COL23A1: variants seen among roughly 807,000 people sequenced by gnomAD.
COL23A1 encodes the protein collagen alpha-1(XXIII) chain.
Under a neutral mutation model 99.3 loss-of-function variants are expected in COL23A1, and 97 were observed. That is an observed-to-expected ratio of 0.98 (90% CI 0.83 to 1.16). The LOEUF (loss-of-function observed/expected upper bound fraction) is 1.16. Ranked by LOEUF, COL23A1 falls within the 50% of genes most tolerant of loss-of-function variation. COL23A1 has a pLI of 0.00. For synonymous variants in COL23A1, 320 were observed against 308.2 expected (o/e 1.04, Z -0.40); for missense variants, 762 against 757.4 (o/e 1.01, Z -0.07).
intron 1 of COL23A1, among the ~76,000 whole-genome samples, chr5:178,566,132 A>T (rs1285459549): frequency 6.6e-6 from 1 of 152,064 alleles, no homozygotes; most frequent in Non-Finnish European, 1.5e-5. Flanking sequence ...CATCCCAAAA[A>T]ATAAATTAAA....
intron 2 of COL23A1, among the ~76,000 whole-genome samples, chr5:178,394,749 G>A (rs1455775022): frequency 6.6e-6 from 1 of 151,344 alleles, no homozygotes. Flanking sequence ...TGCCTCCCCA[G>A]GGTCACAAGT....
rs563255101 is a variant in COL23A1, at chr5:178,256,870, G to C, written c.833C>G (p.Pro278Arg). 1 of 1,612,864 alleles carries C rather than the reference G, an allele frequency of 6.2e-7. No individual in the cohort carries two copies. Among genetic ancestry groups the C allele is most frequent in the African/African-American group, 1.3e-5 (1 of 75,038 alleles). ...AGCAGAGAGCTCTCATGTCACCTTC[G>C]GTCCTGGGGCACCGTCCACACCGTT... ...GENGVDGAPG[P>R]KGEPGHRGTD... The change falls in exon 14 of 29, where the codon CCG becomes CGG. Residue 278 changes from proline to arginine, a missense_variant. Coordinates refer to ENST00000390654, the MANE Select transcript of COL23A1 (RefSeq NM_173465.4).
intron 2 of COL23A1, among the ~76,000 whole-genome samples, chr5:178,360,425 C>T (rs999094070): frequency 1.3e-5 from 2 of 152,238 alleles, no homozygotes; most frequent in African/African-American, 4.8e-5. Context: ...CAGGGAGAAG[C>T]TGCCATGGGA....
At chr5:178,320,072 C>A (rs1759206586) in intron 2 of COL23A1, among the ~76,000 whole-genome samples, 1 of 151,820 alleles carries the variant, frequency 6.6e-6, no homozygotes, top group African/African-American at 2.4e-5. Flanking sequence ...TGACCACCAG[C>A]CTCAATTTTC....
intron 5 of COL23A1, among the ~76,000 whole-genome samples, chr5:178,276,257 C>T (rs6872036): frequency 6.9e-6 from 1 of 144,964 alleles, no homozygotes. Flanking sequence ...CCAGCATCTG[C>T]TGAACTGAAC....
In COL23A1 at chr5:178,247,801, CA is replaced by C. The variant is rs1204443407; in HGVS notation, c.1242del (p.Gly415AlafsTer65). 1 of 1,613,574 alleles carries C rather than the reference CA, an allele frequency of 6.2e-7. No individual in the cohort carries two copies. Among genetic ancestry groups the C allele is most frequent in the Non-Finnish European group, 8.5e-7 (1 of 1,179,804 alleles). On this transcript the variant is annotated frameshift_variant, in exon 21 of 29. Coordinates refer to ENST00000390654, the MANE Select transcript of COL23A1 (RefSeq NM_173465.4). LOFTEE classifies it high-confidence loss of function. ...ATCGGGCCTGGGGGGCCAGGGGGGC[CA>C]GGGGGCCCTGGCTCCACTATGAGCT... The part of the protein sequence containing the change: ...LAQLIVEPGP[P>X]GPPGPPGPMG...
Position 178,309,331 on chromosome 5 carries a change from G to T in COL23A1, c.362-2412C>A, listed in dbSNP as rs1581127370. Reference sequence around the variant, plus strand: ...TGCCTGCCTCCCAGGGTCACTGGGCGATGCCCCCTGCAGGCCTGGAGCTGG... The same window carrying T: ...TGCCTGCCTCCCAGGGTCACTGGGCTATGCCCCCTGCAGGCCTGGAGCTGG... On this transcript the variant is annotated intron_variant, in intron 2 of 28. Transcript: ENST00000390654. The surrounding 1 kb of genome is among the most constrained non-coding windows in gnomAD (Gnocchi z 4.7). Among the ~76,000 whole-genome samples, 1 of 152,166 alleles carries T rather than the reference G, an allele frequency of 6.6e-6. No homozygotes were observed. Among genetic ancestry groups the T allele is most frequent in the Non-Finnish European group, 1.5e-5 (1 of 68,012 alleles).
rs746295532 is a variant in COL23A1, at chr5:178,249,683, A to AACACAC, written c.1059+372_1059+377dup. ...GAATATGCTTACGTCTGTATAGGATAACACACACACACACACACACACACA... is the reference window on the plus strand; with the variant it reads ...GAATATGCTTACGTCTGTATAGGATAACACACACACACACACACACACACACACACA... On this transcript the variant is annotated intron_variant, in intron 18 of 28. Transcript: ENST00000390654. 9.5e-3 allele frequency among the ~76,000 whole-genome samples: 1,118 copies of AACACAC among 118,234 alleles called. 9 individuals are homozygous for AACACAC. Among genetic ancestry groups the AACACAC allele is most frequent in the African/African-American group, 0.024 (562 of 23,500 alleles). 77.6% of individuals were successfully genotyped at this position (118,234 alleles called of 152,430 possible). A position where few individuals can be genotyped will look rare whatever the true frequency, so the allele number is the denominator to read the frequency against.
intron 2 of COL23A1, among the ~76,000 whole-genome samples, chr5:178,507,455 G>A (rs1404211869): frequency 6.6e-6 from 1 of 152,166 alleles, no homozygotes; most frequent in Admixed American, 6.5e-5. Context: ...GCCACTTCCC[G>A]TGCAAAGCCT....
intron 5 of COL23A1, among the ~76,000 whole-genome samples, chr5:178,274,889 G>A (rs76180068): frequency 0.024 from 3,651 of 152,292 alleles, 103 homozygotes; most frequent in Middle Eastern, 0.071. Context: ...GGTTTTCAAC[G>A]CCTTCTGCCC....
chr5:178,364,632 G>A (rs933905293), intron 2 of COL23A1, among the ~76,000 whole-genome samples: 2 of 152,102 alleles, frequency 1.3e-5, no homozygotes, highest in African/African-American at 2.4e-5. Context: ...AAGGGTGGTC[G>A]GGGAGGCGCC....
At chr5:178,453,380 T>C (rs1266013994) in intron 2 of COL23A1, among the ~76,000 whole-genome samples, 1 of 152,174 alleles carries the variant, frequency 6.6e-6, no homozygotes, top group African/African-American at 2.4e-5. Flanking sequence ...AAGAGCATGA[T>C]GGAGCACCCT....
intron 2 of COL23A1, among the ~76,000 whole-genome samples, chr5:178,328,460 C>T (rs1458021603): frequency 6.6e-6 from 1 of 152,222 alleles, no homozygotes; most frequent in Admixed American, 6.5e-5. Flanking sequence ...GGTACAAATC[C>T]TGACTCTTTC....
At chr5:178,247,376 C>G (rs936519286) in intron 22 of COL23A1, 150 bp downstream of exon 22, 11 of 812,798 alleles carry the variant, frequency 1.4e-5, no homozygotes, top group Admixed American at 5.0e-5. Context: ...GGAGGTTATG[C>G]CCTGGGGACT....
At position 178,375,079 on chromosome 5, in the gene COL23A1, A is replaced by G. The variant is rs566552220; in HGVS notation, c.362-68160T>C. On this transcript the variant is annotated intron_variant, in intron 2 of 28. Coordinates refer to ENST00000390654, the MANE Select transcript of COL23A1 (RefSeq NM_173465.4). Reference sequence around the variant, plus strand: ...ATGTGGTTGATCTGAACACCAGAATATCACTCTGCCATCGAAAGCTGCAAC... The same window carrying G: ...ATGTGGTTGATCTGAACACCAGAATGTCACTCTGCCATCGAAAGCTGCAAC... Among the ~76,000 whole-genome samples, 10 of 152,346 alleles carry G rather than the reference A, an allele frequency of 6.6e-5. No individual in the cohort carries two copies. In the East Asian group the frequency reaches 1.9e-3, roughly 29 times the overall value.
chr5:178,354,211 T>G (rs566020240), intron 2 of COL23A1, among the ~76,000 whole-genome samples: 2 of 152,238 alleles, frequency 1.3e-5, no homozygotes, highest in East Asian at 3.9e-4. Context: ...AAAAATGGTA[T>G]TGCTTGACTG....
intron 2 of COL23A1, among the ~76,000 whole-genome samples, chr5:178,472,284 T>G (rs1454349008): frequency 6.6e-6 from 1 of 152,218 alleles, no homozygotes; most frequent in African/African-American, 2.4e-5. Context: ...TCGAATCAAC[T>G]GAGACCCAAT....
intron 1 of COL23A1, among the ~76,000 whole-genome samples, chr5:178,566,088 T>C (rs563969540): frequency 2.0e-4 from 30 of 152,050 alleles, no homozygotes; most frequent in Admixed American, 7.9e-4. Flanking sequence ...GAGCATGTCA[T>C]TGCACTCCAG....
chr5:178,564,437 T>C (rs574625509), intron 1 of COL23A1, among the ~76,000 whole-genome samples: 1 of 152,096 alleles, frequency 6.6e-6, no homozygotes, highest in Non-Finnish European at 1.5e-5. Flanking sequence ...TAAGAAAATA[T>C]TCCTTTGTGT....
Sources: allele counts gnomAD v4.1 joint callset (sites outside exome capture counted in the v4.1 genomes callset), GRCh38; gene constraint gnomAD v4.1.1; non-coding constraint Gnocchi (gnomAD v3.1); transcripts MANE v1.5; gene names NCBI Gene and HGNC (gene_info 2026-07-23, HGNC 2026-07-21).